The following GK variants were observed in gnomAD, a reference collection of about 807,000 sequenced individuals.
GK encodes glycerol kinase, also known as ATP:glycerol 3-phosphotransferase.
GK carries 9 observed loss-of-function variants against 56.4 expected under a neutral mutation model. The observed-to-expected ratio is 0.16, with a 90% CI of 0.10 to 0.28. GK has a LOEUF of 0.28. Among genes scored for constraint, GK ranks in the 10% least tolerant of loss-of-function variants. The pLI is 1.00. For synonymous variants in GK, 104 were observed against 144.1 expected (o/e 0.72, Z 1.99); for missense variants, 161 against 431.4 (o/e 0.37, Z 5.55).
In GK at chrX:30,705,443, T is replaced by A. The variant is rs770220513; in HGVS notation, c.852-2113T>A. On this transcript the variant is annotated intron_variant, in intron 11 of 20. Transcript: ENST00000427190. ...CATTTGTCCAGTAGTGCTGACTGGGTGTGACAGAGTTTTTTACCTCCCTCA... is the reference window on the plus strand; with the variant it reads ...CATTTGTCCAGTAGTGCTGACTGGGAGTGACAGAGTTTTTTACCTCCCTCA... Among the ~76,000 whole-genome samples the A allele has an allele frequency of 6.2e-5, 7 of 112,871 alleles. No individual in the cohort carries two copies. In the East Asian group the frequency reaches 1.9e-3, roughly 31 times the overall value.
intron 1 of GK, among the ~76,000 whole-genome samples, chrX:30,661,198 A>G: frequency 9.0e-6 from 1 of 111,488 alleles, no homozygotes; most frequent in East Asian, 2.8e-4. Flanking sequence ...AACATCTCAA[A>G]CACACATTAT....
intron 4 of GK, among the ~76,000 whole-genome samples, chrX:30,690,184 G>A (rs776810770): frequency 8.9e-6 from 1 of 112,279 alleles, no homozygotes; most frequent in Non-Finnish European, 1.9e-5. Flanking sequence ...TAGTGGGCAA[G>A]CTTGTATAGT....
intron 4 of GK, among the ~76,000 whole-genome samples, chrX:30,685,201 G>C (rs1216361126): frequency 2.8e-5 from 3 of 108,599 alleles, no homozygotes; most frequent in African/African-American, 1.0e-4. Flanking sequence ...GCGCGATCTC[G>C]GCTCACCGCA....
intron 5 of GK, 35 bp downstream of exon 5, chrX:30,691,234 TTTC>T (rs1430746666): frequency 8.6e-6 from 7 of 811,696 alleles, no homozygotes; most frequent in Non-Finnish European, 1.3e-5. Flanking sequence ...TATAAGAATG[TTTC>T]TTTTTTTAAA....
intron 14 of GK, 43 bp downstream of exon 14, chrX:30,718,659 C>A: frequency 1.2e-6 from 1 of 802,634 alleles, no homozygotes; most frequent in Non-Finnish European, 1.9e-6. Flanking sequence ...TGAAAAATGA[C>A]ACATTTCAGT....
chrX:30,695,957 T>G (rs1935217093), intron 6 of GK, 85 bp from the exon 7 acceptor site: 1 of 554,859 alleles, frequency 1.8e-6, no homozygotes, highest in African/African-American at 2.3e-5. Flanking sequence ...TTGCTTTATG[T>G]GCTCTGCTGA....
In GK at chrX:30,707,544, C is replaced by A; in HGVS notation, c.852-12C>A. ...AAAATTGTCTTACTATTCATTCTCC[C>A]TTCAACCATAGGTATGGAACAGGAT... On this transcript the variant is annotated splice_polypyrimidine_tract_variant and intron_variant, in intron 11 of 20. Coordinates refer to ENST00000427190, the MANE Select transcript of GK (RefSeq NM_001205019.2). 1 of 1,061,575 alleles carries A rather than the reference C, an allele frequency of 9.4e-7. No homozygotes were observed. The highest frequency in any genetic ancestry group is 1.3e-6 in the Non-Finnish European group (1 of 761,037). The allele number at this position is 1,061,575 out of a possible 1,213,427, so 87.5% of individuals were successfully genotyped here. A position where few individuals can be genotyped will look rare whatever the true frequency, so the allele number is the denominator to read the frequency against.
At chrX:30,708,356 T>C (rs950335665) in intron 13 of GK, among the ~76,000 whole-genome samples, 3 of 110,655 alleles carry the variant, frequency 2.7e-5, no homozygotes, top group Non-Finnish European at 3.8e-5. Context: ...TGCCAATTAA[T>C]CATGTCACCT....
At chrX:30,689,420 C>A in intron 4 of GK, 1 of 314,536 alleles carries the variant, frequency 3.2e-6, no homozygotes, top group Non-Finnish European at 6.2e-6. Flanking sequence ...AATTCTATTT[C>A]AACTAAATGA....
At chrX:30,666,548 A>T (rs1933090481) in intron 2 of GK, among the ~76,000 whole-genome samples, 1 of 112,006 alleles carries the variant, frequency 8.9e-6, no homozygotes, top group South Asian at 3.7e-4. Context: ...GGTGTTGGTT[A>T]GATGGGTATT....
chrX:30,662,504 G>A (rs1031865200), intron 1 of GK, among the ~76,000 whole-genome samples: 1 of 111,240 alleles, frequency 9.0e-6, no homozygotes, highest in Non-Finnish European at 1.9e-5. Flanking sequence ...AAATCCTTCT[G>A]TTTTCTGTGT....
intron 6 of GK, 53 bp downstream of exon 6, chrX:30,694,590 G>A (rs1935150074): frequency 9.8e-7 from 1 of 1,025,264 alleles, no homozygotes; most frequent in Non-Finnish European, 1.4e-6. Flanking sequence ...ATTTTTTCTA[G>A]ACTGCCTTGC....
chrX:30,669,409 C>T (rs765774799), intron 3 of GK, among the ~76,000 whole-genome samples: 2 of 110,647 alleles, frequency 1.8e-5, no homozygotes, highest in South Asian at 7.7e-4. Context: ...GTCTCGAACT[C>T]CTGACCTCGT....
chrX:30,712,825 C>T (rs1254518437), intron 13 of GK, among the ~76,000 whole-genome samples: 3 of 103,364 alleles, frequency 2.9e-5, no homozygotes, highest in Admixed American at 2.1e-4. Flanking sequence ...CCCAGGTTCA[C>T]GCCATTCTCC....
At chrX:30,655,965 T>C (rs940330150) in intron 1 of GK, among the ~76,000 whole-genome samples, 20 of 112,218 alleles carry the variant, frequency 1.8e-4, no homozygotes, top group Non-Finnish European at 3.8e-4. Context: ...AAGATTCTTA[T>C]CCTGCTTAGA....
chrX:30,723,381 C>T (rs1358256722), intron 18 of GK, among the ~76,000 whole-genome samples: 1 of 107,131 alleles, frequency 9.3e-6, no homozygotes, highest in Non-Finnish European at 1.9e-5. Context: ...GGCGACAGAG[C>T]GAGACTCAGT....
rs45571832 is a variant in GK, at chrX:30,694,269, T to C, written c.415-131T>C. 8.0e-4 allele frequency: 459 copies of C among 577,287 alleles called. 1 individual carries two copies. Among genetic ancestry groups the C allele is most frequent in the Middle Eastern group, 2.6e-3 (5 of 1,943 alleles). 47.6% of individuals were successfully genotyped at this position (577,287 alleles called of 1,213,427 possible). A position where few individuals can be genotyped will look rare whatever the true frequency, so the allele number is the denominator to read the frequency against. On this transcript the variant is annotated intron_variant, in intron 5 of 20. Coordinates refer to ENST00000427190, the MANE Select transcript of GK (RefSeq NM_001205019.2). ...TGCCATGAGACAGGAAAAGTATTTT[T>C]ATTCATAATACTATGGGATTGCCTT...
intron 1 of GK, among the ~76,000 whole-genome samples, chrX:30,658,852 T>A (rs1403562684): frequency 8.9e-6 from 1 of 112,396 alleles, no homozygotes; most frequent in African/African-American, 3.2e-5. Flanking sequence ...GGTAGACACA[T>A]GTTACATGAA....
At chrX:30,709,464 G>A (rs975551371) in intron 13 of GK, among the ~76,000 whole-genome samples, 1 of 111,772 alleles carries the variant, frequency 8.9e-6, no homozygotes, top group South Asian at 3.7e-4. Context: ...TAGAGGCTGC[G>A]GTCAGTTTCT....
Sources: allele counts gnomAD v4.1 joint callset (sites outside exome capture counted in the v4.1 genomes callset), GRCh38; gene constraint gnomAD v4.1.1; transcripts MANE v1.5; gene names NCBI Gene and HGNC (gene_info 2026-07-23, HGNC 2026-07-21).